Variants in ZMIZ1 observed in about 807,000 individuals in gnomAD.
The protein encoded by ZMIZ1 is zinc finger MIZ domain-containing protein 1.
Under a neutral mutation model 113.9 loss-of-function variants are expected in ZMIZ1, and 17 were observed. The ratio of observed to expected loss-of-function variants is 0.15; its 90% CI spans 0.10 to 0.22. ZMIZ1 has a LOEUF of 0.22. Ranked by LOEUF, ZMIZ1 falls within the 10% of genes least tolerant of loss-of-function variation. The pLI is 1.00. For synonymous variants in ZMIZ1, 607 were observed against 603.1 expected (o/e 1.01, Z -0.09); for missense variants, 1,059 against 1,477.8 (o/e 0.72, Z 4.65).
At chr10:79,274,566 T>C (rs1312127721) in intron 7 of ZMIZ1, among the ~76,000 whole-genome samples, 1 of 152,240 alleles carries the variant, frequency 6.6e-6, no homozygotes, top group Non-Finnish European at 1.5e-5. Flanking sequence ...GAACAACTTG[T>C]GTTGGTTTGC....
At chr10:79,288,814 T>G (rs1052306182) in intron 8 of ZMIZ1, among the ~76,000 whole-genome samples, 1 of 152,196 alleles carries the variant, frequency 6.6e-6, no homozygotes, top group Non-Finnish European at 1.5e-5. Context: ...GGACACTCAC[T>G]GTAGACCTAA....
chr10:79,143,537 G>A (rs531493972), intron 3 of ZMIZ1, among the ~76,000 whole-genome samples: 1 of 152,298 alleles, frequency 6.6e-6, no homozygotes, highest in East Asian at 1.9e-4. Context: ...CTAAGCACCT[G>A]TGTTGTGCCA....
chr10:79,218,584 G>GGTGTGTGTGTGTGTGTGTGTGTGTGTGT (rs55736085), intron 7 of ZMIZ1, among the ~76,000 whole-genome samples: 4 of 147,896 alleles, frequency 2.7e-5, no homozygotes, highest in African/African-American at 1.0e-4. Context: ...TAATTAGAGG[G>GGTGTGTGTGTGTGTGTGTGTGTGTGTGT]GTGTGTGTGT....
intron 3 of ZMIZ1, among the ~76,000 whole-genome samples, chr10:79,159,787 AC>A (rs2132485622): frequency 6.6e-6 from 1 of 151,774 alleles, no homozygotes; most frequent in East Asian, 1.9e-4. Context: ...AAATTCTAGC[AC>A]CCCCACTTAT....
At chr10:79,148,408 T>C (rs1845579375) in intron 3 of ZMIZ1, among the ~76,000 whole-genome samples, 1 of 152,110 alleles carries the variant, frequency 6.6e-6, no homozygotes, top group South Asian at 2.1e-4. Context: ...GCCCACCAGG[T>C]GCCTGAGACA....
At chr10:79,203,636 C>G (rs1848193541) in intron 5 of ZMIZ1, among the ~76,000 whole-genome samples, 1 of 152,212 alleles carries the variant, frequency 6.6e-6, no homozygotes. Flanking sequence ...CTCTTGGCAC[C>G]TAGCTCCGTA....
chr10:79,094,821 C>CACCTTTA (rs1843117213), intron 1 of ZMIZ1, among the ~76,000 whole-genome samples: 1 of 152,176 alleles, frequency 6.6e-6, no homozygotes, highest in South Asian at 2.1e-4. Context: ...TGGTGGTGTG[C>CACCTTTA]ACCTTTAGTC....
chr10:79,080,551 C>T lies in ZMIZ1; in HGVS notation c.-337+11281C>T, dbSNP rs75086196. On this transcript the variant is annotated intron_variant, in intron 1 of 24. Transcript: ENST00000334512. ...CTCGAACTCCTGACCTCAGGTGATCCGCCCGCCTTGGCCTCCCGAAGTGCT... is the reference window on the plus strand; with the variant it reads ...CTCGAACTCCTGACCTCAGGTGATCTGCCCGCCTTGGCCTCCCGAAGTGCT... Among the ~76,000 whole-genome samples the T allele has an allele frequency of 8.0e-4, 121 of 152,190 alleles. 1 individual carries two copies. The East Asian group carries it at 0.019, about 24-fold the overall frequency.
intron 18 of ZMIZ1, among the ~76,000 whole-genome samples, chr10:79,302,943 G>A (rs1446096126): frequency 6.7e-6 from 1 of 149,064 alleles, no homozygotes; most frequent in Non-Finnish European, 1.5e-5. Flanking sequence ...CTCACTGCAA[G>A]CTCCGCCTCC....
intron 6 of ZMIZ1, among the ~76,000 whole-genome samples, chr10:79,210,859 T>C (rs1291098185): frequency 1.3e-5 from 2 of 152,000 alleles, no homozygotes; most frequent in South Asian, 2.1e-4. Context: ...GATGGAGGGA[T>C]CATGGAGGGC....
chr10:79,301,583 T>C (rs1854302781), intron 17 of ZMIZ1, among the ~76,000 whole-genome samples: 1 of 152,170 alleles, frequency 6.6e-6, no homozygotes, highest in East Asian at 1.9e-4. Flanking sequence ...GGAAACACTC[T>C]GATCCACCCT....
chr10:79,185,951 G>A (rs867850383), intron 4 of ZMIZ1, among the ~76,000 whole-genome samples: 23 of 152,258 alleles, frequency 1.5e-4, no homozygotes, highest in African/African-American at 5.3e-4. Flanking sequence ...TGTCTAAGGA[G>A]TAGCGAGGAG....
At chr10:79,270,622 C>T (rs1851890070) in intron 7 of ZMIZ1, among the ~76,000 whole-genome samples, 1 of 152,150 alleles carries the variant, frequency 6.6e-6, no homozygotes, top group South Asian at 2.1e-4. Context: ...GAGTGGGAAC[C>T]CTGGTGTCCC....
At chr10:79,145,766 G>A (rs1380191451) in intron 3 of ZMIZ1, among the ~76,000 whole-genome samples, 2 of 152,190 alleles carry the variant, frequency 1.3e-5, no homozygotes, top group African/African-American at 4.8e-5. Context: ...CACCCAGGGT[G>A]GAGTGCAGTG....
At chr10:79,302,794 C>T (rs1376011925) in intron 18 of ZMIZ1, among the ~76,000 whole-genome samples, 1 of 145,858 alleles carries the variant, frequency 6.9e-6, no homozygotes, top group Non-Finnish European at 1.5e-5. Flanking sequence ...CATGGGTTCA[C>T]GCCATTCTCC....
At chr10:79,216,702 T>G (rs940140658) in intron 7 of ZMIZ1, among the ~76,000 whole-genome samples, 1 of 152,240 alleles carries the variant, frequency 6.6e-6, no homozygotes, top group Non-Finnish European at 1.5e-5. Flanking sequence ...AGCAGGGATT[T>G]AAGCCTAGGC....
intron 19 of ZMIZ1, 24 bp downstream of exon 19, chr10:79,304,199 C>A: frequency 6.2e-7 from 1 of 1,604,454 alleles, no homozygotes; most frequent in Non-Finnish European, 8.5e-7. Context: ...GAAAGCACAG[C>A]TCTGGCAAGC....
At chr10:79,302,661 C>T (rs1854384146) in intron 18 of ZMIZ1, among the ~76,000 whole-genome samples, 1 of 146,114 alleles carries the variant, frequency 6.8e-6, no homozygotes, top group Admixed American at 6.8e-5. Context: ...AGATTGGCCT[C>T]CCTACTTCAA....
chr10:79,162,517 G>C (rs1179817135), intron 4 of ZMIZ1, among the ~76,000 whole-genome samples: 1 of 152,170 alleles, frequency 6.6e-6, no homozygotes, highest in East Asian at 1.9e-4. Context: ...GGCTGAAATG[G>C]GTGCAGGGCT....
Sources: allele counts gnomAD v4.1 joint callset (sites outside exome capture counted in the v4.1 genomes callset), GRCh38; gene constraint gnomAD v4.1.1; transcripts MANE v1.5; gene names NCBI Gene and HGNC (gene_info 2026-07-23, HGNC 2026-07-21).